MARCHF8: variants seen among roughly 807,000 people sequenced by gnomAD.
The protein encoded by MARCHF8 is membrane associated ring-CH-type finger 8.
MARCHF8 carries 40 observed loss-of-function variants against 51.6 expected under a neutral mutation model. That is an observed-to-expected ratio of 0.77 (90% CI 0.60 to 1.01). MARCHF8 has a LOEUF of 1.01. Among genes scored for constraint, MARCHF8 ranks in the 50% least tolerant of loss-of-function variants. The pLI, the probability that MARCHF8 is intolerant of heterozygous loss-of-function variation, is 0.00. For synonymous variants in MARCHF8, 263 were observed against 280.3 expected (o/e 0.94, Z 0.62); for missense variants, 685 against 708.6 (o/e 0.97, Z 0.38).
At chr10:45,504,005 AG>A (rs2043332579) in intron 2 of MARCHF8, among the ~76,000 whole-genome samples, 1 of 152,206 alleles carries the variant, frequency 6.6e-6, no homozygotes, top group Non-Finnish European at 1.5e-5. Context: ...TAATGGGTAG[AG>A]GGTTTCATTT....
chr10:45,553,799 CAGAA>C (rs1448647264), intron 1 of MARCHF8, among the ~76,000 whole-genome samples: 2 of 151,592 alleles, frequency 1.3e-5, no homozygotes, highest in African/African-American at 4.9e-5. Flanking sequence ...GATTAGGAGG[CAGAA>C]ACTATACGTG....
intron 1 of MARCHF8, among the ~76,000 whole-genome samples, chr10:45,573,430 C>A (rs2044454121): frequency 6.6e-6 from 1 of 152,194 alleles, no homozygotes; most frequent in Admixed American, 6.5e-5. Context: ...ACTCCAAACA[C>A]CTGAACTGCA....
intron 1 of MARCHF8, among the ~76,000 whole-genome samples, chr10:45,571,104 G>A (rs2044423959): frequency 6.6e-6 from 1 of 152,042 alleles, no homozygotes; most frequent in Admixed American, 6.6e-5. Flanking sequence ...AAATATGAAA[G>A]TATATGAAAA....
chr10:45,489,253 G>GT, intron 3 of MARCHF8, 114 bp downstream of exon 3: 1 of 788,078 alleles, frequency 1.3e-6, no homozygotes, highest in Non-Finnish European at 2.1e-6. Context: ...TTACAGAAAT[G>GT]TATCAAGAAC....
chr10:45,481,072 G>A (rs1232350603), intron 3 of MARCHF8, among the ~76,000 whole-genome samples: 1 of 152,264 alleles, frequency 6.6e-6, no homozygotes, highest in African/African-American at 2.4e-5. Context: ...TGTGAGACAT[G>A]GAGTCAAAGG....
At chr10:45,466,270 T>G (rs1186597030) in intron 3 of MARCHF8, among the ~76,000 whole-genome samples, 1 of 152,236 alleles carries the variant, frequency 6.6e-6, no homozygotes, top group South Asian at 2.1e-4. Context: ...GTCCTAACAC[T>G]ATTCTGGGAC....
chr10:45,461,187 T>C, intron 6 of MARCHF8, 44 bp downstream of exon 6: 1 of 1,383,220 alleles, frequency 7.2e-7, no homozygotes, highest in South Asian at 1.6e-5. Flanking sequence ...TTTCTGGGGG[T>C]CACTGGTTTC....
intron 1 of MARCHF8, among the ~76,000 whole-genome samples, chr10:45,580,384 T>C (rs1287505799): frequency 6.6e-6 from 1 of 152,090 alleles, no homozygotes; most frequent in Non-Finnish European, 1.5e-5. Context: ...AAGTAGGGAA[T>C]ATGAACACCT....
chr10:45,521,378 T>C (rs954548980), intron 2 of MARCHF8, among the ~76,000 whole-genome samples: 2 of 152,234 alleles, frequency 1.3e-5, no homozygotes, highest in African/African-American at 4.8e-5. Context: ...CAATGCAGCA[T>C]AGCAAAATTA....
chr10:45,480,723 T>C (rs985744785), intron 3 of MARCHF8, among the ~76,000 whole-genome samples: 6 of 152,166 alleles, frequency 3.9e-5, no homozygotes, highest in African/African-American at 1.4e-4. Flanking sequence ...AGAGAATGTA[T>C]AGAAATGCCT....
In MARCHF8 at chr10:45,559,939, G is replaced by A. The variant is rs569468321; in HGVS notation, c.-78-26650C>T. Among the ~76,000 whole-genome samples, 10 of 152,210 alleles carry A rather than the reference G, an allele frequency of 6.6e-5. No individual in the cohort carries two copies. The South Asian group carries it at 1.9e-3, about 28-fold the overall frequency. On this transcript the variant is annotated intron_variant, in intron 1 of 6. Transcript: ENST00000319836. ...AGTATACATCACGGCACCCTTCCAA[G>A]GGAGCGGGCCTCGGCAGTGAGATTT... is the stretch of plus-strand genomic sequence containing the variant.
upstream of MARCHF8, among the ~76,000 whole-genome samples, chr10:45,538,090 G>T (rs949316579): frequency 9.2e-5 from 14 of 152,128 alleles, no homozygotes; most frequent in African/African-American, 3.4e-4. Context: ...ACCCACAAAG[G>T]GAAGCCCATC....
At chr10:45,579,049 G>C (rs1425459449) in intron 1 of MARCHF8, among the ~76,000 whole-genome samples, 2 of 152,178 alleles carry the variant, frequency 1.3e-5, no homozygotes, top group African/African-American at 4.8e-5. Context: ...CTATGAATTA[G>C]ATAACAACAC....
intron 1 of MARCHF8, among the ~76,000 whole-genome samples, chr10:45,544,891 T>C (rs2044100800): frequency 6.6e-6 from 1 of 152,212 alleles, no homozygotes; most frequent in South Asian, 2.1e-4. Context: ...CCCTATGTTA[T>C]CTATCCCACC....
chr10:45,586,105 G>A (rs1479313647), intron 1 of MARCHF8, among the ~76,000 whole-genome samples: 1 of 152,120 alleles, frequency 6.6e-6, no homozygotes, highest in Non-Finnish European at 1.5e-5. Context: ...TAAGCATAAT[G>A]TGAAGTTCTG....
At chr10:45,540,238 G>A (rs2044031341), upstream of MARCHF8, among the ~76,000 whole-genome samples, 1 of 152,158 alleles carries the variant, frequency 6.6e-6, no homozygotes, top group African/African-American at 2.4e-5. Flanking sequence ...AGCCTGCATT[G>A]CCAAGTCAAT....
At chr10:45,568,350 G>T (rs1260115672) in intron 1 of MARCHF8, among the ~76,000 whole-genome samples, 2 of 152,150 alleles carry the variant, frequency 1.3e-5, no homozygotes, top group African/African-American at 4.8e-5. Flanking sequence ...TCATATTCCA[G>T]ATCTTGGAGC....
intron 3 of MARCHF8, among the ~76,000 whole-genome samples, 200 bp downstream of exon 3, chr10:45,489,167 T>C (rs2043037550): frequency 6.6e-6 from 1 of 152,058 alleles, no homozygotes; most frequent in Non-Finnish European, 1.5e-5. Flanking sequence ...CAGAAGTCAC[T>C]TCCCCCAACA....
intron 2 of MARCHF8, among the ~76,000 whole-genome samples, chr10:45,509,260 AT>A (rs1281207342): frequency 1.3e-5 from 2 of 152,240 alleles, no homozygotes; most frequent in Non-Finnish European, 2.9e-5. Context: ...GAATGAGCTA[AT>A]GAGGGATGAC....
Sources: gnomAD v4.1 joint callset for allele counts (sites outside exome capture counted in the v4.1 genomes callset) on GRCh38, gnomAD v4.1.1 for gene constraint, MANE v1.5 for transcripts, NCBI Gene and HGNC (gene_info 2026-07-23, HGNC 2026-07-21) for gene names.